BCL6: variants seen among roughly 807,000 people sequenced by gnomAD.
BCL6 encodes the protein B-cell lymphoma 6 protein.
In BCL6, 7 loss-of-function variants were observed where a neutral mutation model predicts 59.5. The observed-to-expected ratio is 0.12, with a 90% CI of 0.07 to 0.22. The LOEUF (loss-of-function observed/expected upper bound fraction) is 0.22. Among genes scored for constraint, BCL6 ranks in the 10% least tolerant of loss-of-function variants. BCL6 has a pLI of 1.00. For synonymous variants in BCL6, 339 were observed against 349.7 expected (o/e 0.97, Z 0.34); for missense variants, 685 against 939.4 (o/e 0.73, Z 3.54).
intron 1 of BCL6, chr3:187,736,673 A>G (rs773935829): frequency 6.6e-6 from 1 of 152,192 alleles, no homozygotes; most frequent in Non-Finnish European, 1.5e-5. Context: ...CCTGGCCAAA[A>G]ACAAATGTAC....
intron 5 of BCL6, 35 bp from the exon 6 acceptor site, chr3:187,728,579 G>T: frequency 6.3e-7 from 1 of 1,575,210 alleles, no homozygotes; most frequent in East Asian, 2.3e-5. Context: ...TCAGCACCTG[G>T]GGCAGGGCCT....
chr3:187,733,127 A>C (rs1473181333), intron 3 of BCL6, among the ~76,000 whole-genome samples: 1 of 152,230 alleles, frequency 6.6e-6, no homozygotes, highest in Non-Finnish European at 1.5e-5. Context: ...CAGTTGTAGC[A>C]AAAAATAAAT....
Position 187,721,677 on chromosome 3 carries a change from A to G in BCL6, c.*781T>C, listed in dbSNP as rs1444093102. 4.3e-6 allele frequency: 1 copy of G among 232,684 alleles called. No homozygotes were observed. Among genetic ancestry groups the G allele is most frequent in the African/African-American group, 2.2e-5 (1 of 45,286 alleles). The allele number at this position is 232,684 out of a possible 1,614,324, so 14.4% of individuals were successfully genotyped here. ...TATACAAACTGAAAACTAGAACAAA[A>G]TTACACATTTTTCCTTCTGCAGATT... On this transcript the variant is annotated 3_prime_UTR_variant, in exon 10 of 10. Coordinates refer to ENST00000406870, the MANE Select transcript of BCL6 (RefSeq NM_001706.5). The surrounding 1 kb of genome is among the most constrained non-coding windows in gnomAD (Gnocchi z 4.2).
At position 187,728,414 on chromosome 3, in the gene BCL6, T is replaced by C. The variant is rs915322376; in HGVS notation, c.1486A>G (p.Thr496Ala). The change falls in exon 6 of 10, where the codon ACG becomes GCG. Residue 496 changes from threonine to alanine, a missense_variant. Around this residue, in one of 7 missense-constraint regions of BCL6, gnomAD observed 207 missense variants for 213.7 expected, o/e 0.97. Coordinates refer to ENST00000406870, the MANE Select transcript of BCL6 (RefSeq NM_001706.5). The part of the protein sequence containing the change: ...AEMCLHTAGP[T>A]FPEEMGETQS... ...GTCTCTCCCATCTCCTCAGGGAACG[T>C]GGGGCCAGCGGTGTGGAGGCACATC... 5 of 1,611,166 alleles carry C rather than the reference T, an allele frequency of 3.1e-6. No individual in the cohort carries two copies. In the East Asian group the frequency reaches 1.1e-4, roughly 36 times the overall value.
intron 2 of BCL6, 37 bp downstream of exon 2, chr3:187,734,832 T>C (rs1719215251): frequency 6.6e-6 from 1 of 152,662 alleles, no homozygotes; most frequent in South Asian, 2.1e-4. Flanking sequence ...AAACAGTTTG[T>C]CCCAACATTT....
intron 9 of BCL6, 47 bp from the exon 10 acceptor site, chr3:187,722,648 A>C: frequency 6.3e-7 from 1 of 1,590,230 alleles, no homozygotes; most frequent in African/African-American, 1.3e-5. Flanking sequence ...CAACCCAAGA[A>C]AGATGTCATT....
intron 1 of BCL6, among the ~76,000 whole-genome samples, chr3:187,742,054 C>T (rs1460001420): frequency 1.3e-5 from 2 of 152,112 alleles, no homozygotes; most frequent in Admixed American, 6.5e-5. Context: ...TTCTTCCCTA[C>T]TTGATAAACT....
chr3:187,722,532 C>T lies in BCL6; in HGVS notation c.2047G>A (p.Ala683Thr), dbSNP rs1230004461. The change falls in exon 10 of 10, where the codon GCC becomes ACC. Residue 683 changes from alanine to threonine, a missense_variant. Physicochemically the swap from Ala to Thr is moderately conservative, Grantham distance 58. This residue lies in a region of BCL6 where 38 missense variants were observed against 97.9 expected (regional missense o/e 0.39). Transcript: ENST00000406870. ...TATTGCACCTTGGTGTTGGTGATGG[C>T]GCCATGCTTCTGGCGCAAGTGAAGT... is the stretch of plus-strand genomic sequence containing the variant. ...LRLHLRQKHGAITNTKVQYRV... is the reference protein window; with the variant it reads ...LRLHLRQKHGTITNTKVQYRV... The T allele has an allele frequency of 3.1e-6, 5 of 1,613,962 alleles. No homozygotes were observed. The highest frequency in any genetic ancestry group is 3.4e-6 in the Non-Finnish European group (4 of 1,179,966).
intron 4 of BCL6, 29 bp from the exon 5 acceptor site, chr3:187,730,050 C>A: frequency 6.6e-7 from 1 of 1,526,210 alleles, no homozygotes. Context: ...GGAAAGACAC[C>A]GGCCCCAAAT....
chr3:187,745,062 A>G (rs188318592), intron 1 of BCL6, among the ~76,000 whole-genome samples: 9 of 151,810 alleles, frequency 5.9e-5, no homozygotes, highest in Middle Eastern at 3.4e-3. Flanking sequence ...AAAAACCAAA[A>G]CAACACAAGG....
At chr3:187,744,414 C>T (rs1049425470) in intron 1 of BCL6, among the ~76,000 whole-genome samples, 7 of 151,070 alleles carry the variant, frequency 4.6e-5, no homozygotes, top group Admixed American at 2.0e-4. Context: ...CCCTCGACTA[C>T]AACCAAGAAA....
chr3:187,730,871 C>T (rs1042313170), intron 4 of BCL6, among the ~76,000 whole-genome samples: 1 of 152,150 alleles, frequency 6.6e-6, no homozygotes. Flanking sequence ...AAAGAGAAGC[C>T]AAAAAGAGAA....
At chr3:187,743,242 G>A (rs1476546783) in intron 1 of BCL6, among the ~76,000 whole-genome samples, 1 of 146,964 alleles carries the variant, frequency 6.8e-6, no homozygotes, top group Non-Finnish European at 1.5e-5. Flanking sequence ...AAAAAGAAGA[G>A]AAAAAGTAAA....
chr3:187,730,384 C>A (rs1013491647), intron 4 of BCL6, among the ~76,000 whole-genome samples: 1 of 152,218 alleles, frequency 6.6e-6, no homozygotes, highest in Non-Finnish European at 1.5e-5. Context: ...TCTCACTTCA[C>A]CCATGCAAAA....
rs371023739 is a variant in BCL6 at position 187,729,723 on chromosome 3, G to T, written c.682C>A (p.Arg228=). 17 of 1,614,134 alleles carry T rather than the reference G, an allele frequency of 1.1e-5. No homozygotes were observed. In the East Asian group the frequency reaches 3.8e-4, roughly 36 times the overall value. The change falls in exon 5 of 10, where the codon CGG becomes AGG. Residue 228 remains arginine (R), a synonymous_variant. Transcript: ENST00000406870. This position sits in a 1 kb window ranked among gnomAD's most constrained non-coding sequence, Gnocchi z 5.6. ...CTGGCACTATCACATGGGAGTGCCC[G>T]CTCCTTGGGGAAGGGGTTGGCCACA... The part of the protein sequence containing the change: ...MPVANPFPKE[R]ALPCDSARPV...
chr3:187,744,873 A>C (rs1711834324), intron 1 of BCL6, among the ~76,000 whole-genome samples: 2 of 152,302 alleles, frequency 1.3e-5, no homozygotes, highest in Non-Finnish European at 2.9e-5. Context: ...GAATCCAGAG[A>C]GATCACAAGC....
At chr3:187,745,159 G>C (rs564771785) in intron 1 of BCL6, among the ~76,000 whole-genome samples, 6 of 152,230 alleles carry the variant, frequency 3.9e-5, no homozygotes, top group East Asian at 1.9e-4. Context: ...ATATCCTATG[G>C]TGGGAGAGAC....
intron 1 of BCL6, among the ~76,000 whole-genome samples, chr3:187,744,313 C>T (rs573775110): frequency 6.6e-6 from 1 of 152,226 alleles, no homozygotes; most frequent in South Asian, 2.1e-4. Flanking sequence ...GTGCAGTGCG[C>T]ACCCCTTTCC....
intron 7 of BCL6, 97 bp downstream of exon 7, chr3:187,726,634 C>A: frequency 6.6e-7 from 1 of 1,514,122 alleles, no homozygotes; most frequent in Admixed American, 1.9e-5. Flanking sequence ...CCTTGCCCCA[C>A]CAGGTCTCCA....
Sources: allele counts gnomAD v4.1 joint callset (sites outside exome capture counted in the v4.1 genomes callset), GRCh38; gene constraint gnomAD v4.1.1; regional missense constraint gnomAD v4.1.1; non-coding constraint Gnocchi (gnomAD v3.1); transcripts MANE v1.5; gene names NCBI Gene and HGNC (gene_info 2026-07-23, HGNC 2026-07-21).